SLC19A1: variants seen among roughly 807,000 people sequenced by gnomAD.
SLC19A1 encodes solute carrier family 19 member 1, also known as reduced folate transporter.
A neutral mutation model predicts 35.3 loss-of-function variants in SLC19A1; 37 were observed. That is an observed-to-expected ratio of 1.05 (90% confidence interval 0.81 to 1.38). The LOEUF is 1.38. Ranked by LOEUF, SLC19A1 falls within the 40% of genes most tolerant of loss-of-function variation. The pLI, the probability that SLC19A1 is intolerant of heterozygous loss-of-function variation, is 0.00. For missense variants in SLC19A1, 831 were observed against 826.9 expected, an observed-to-expected ratio of 1.00 and a Z score of -0.06; for synonymous variants, 460 against 398.5, an observed-to-expected ratio of 1.15 and a Z score of -1.84.
Position 45,531,386 on chromosome 21 carries a change from T to G in SLC19A1, c.949+3A>C. ...GAAGCCTCGGGGACCAGGGCATGCG[T>G]ACCCAGCAGCGTGGAGGCAGCATCT... On this transcript the variant is annotated splice_donor_region_variant and intron_variant, in intron 3 of 5. Transcript: ENST00000311124. The G allele has an allele frequency of 6.4e-7, 1 of 1,571,782 alleles. No homozygotes were observed. The highest frequency in any genetic ancestry group is 8.6e-7 in the Non-Finnish European group (1 of 1,157,288).
rs1380155473 is a variant in SLC19A1 at position 45,507,271 on chromosome 21, G to C, written c.498-8659C>G. 85 of 512,862 alleles carry C rather than the reference G, an allele frequency of 1.7e-4. 2 individuals carry two copies. In the East Asian group the frequency reaches 2.7e-3, roughly 16 times the overall value. The allele number at this position is 512,862 out of a possible 1,614,324, so 31.8% of individuals were successfully genotyped here. A position where few individuals can be genotyped will look rare whatever the true frequency, so the allele number is the denominator to read the frequency against. ...GGGTGCTGGGCAGGGAGGGCAACCT[G>C]CTGTGGACTGGGAGGGCCGGGTGCT... is the stretch of plus-strand genomic sequence containing the variant. On this transcript the variant is annotated intron_variant, in intron 3 of 4. Transcript: ENST00000417954.
chr21:45,552,769 C>T (rs1449688947), intron 1 of SLC19A1, among the ~76,000 whole-genome samples: 3 of 152,116 alleles, frequency 2.0e-5, no homozygotes, highest in Non-Finnish European at 4.4e-5. Context: ...TCATTCCTGG[C>T]CCATGAGTCT....
intron 1 of SLC19A1, among the ~76,000 whole-genome samples, chr21:45,549,977 C>G (rs552647304): frequency 3.7e-4 from 56 of 152,080 alleles, no homozygotes; most frequent in Non-Finnish European, 6.6e-4. Flanking sequence ...CAGGGCAGCC[C>G]TCCCAGGCTG....
chr21:45,562,773 C>T lies in SLC19A1; in HGVS notation c.-81G>A, dbSNP rs546355006. On this transcript the variant is annotated 5_prime_UTR_variant, in exon 1 of 6. Coordinates refer to the SLC19A1 transcript ENST00000650808. ...TTCCAACAATCCGCAGAAGATCCTCCTCCGGTATCTAGGTGTGAATGGATC... is the reference window on the plus strand; with the variant it reads ...TTCCAACAATCCGCAGAAGATCCTCTTCCGGTATCTAGGTGTGAATGGATC... Among the ~76,000 whole-genome samples the T allele has an allele frequency of 2.0e-5, 3 of 152,328 alleles. No individual in the cohort carries two copies. In the South Asian group the frequency reaches 6.2e-4, roughly 32 times the overall value.
intron 1 of SLC19A1, among the ~76,000 whole-genome samples, chr21:45,559,468 G>A (rs115100975): frequency 4.0e-4 from 61 of 152,338 alleles, no homozygotes; most frequent in African/African-American, 1.4e-3. Flanking sequence ...CCACGGGAAG[G>A]CCAGGTCTTC....
rs1279091925 is a variant in SLC19A1 at position 45,530,734 on chromosome 21, T to C, written c.1151+36A>G. The C allele has an allele frequency of 6.5e-7, 1 of 1,542,110 alleles. No homozygotes were observed. The highest frequency in any genetic ancestry group is 2.5e-5 in the East Asian group (1 of 40,488). ...AAGCGCGGGGCTTGATCCTGGCGCC[T>C]GCCCGCCCCCGGCTTCCCACCCTTC... On this transcript the variant is annotated intron_variant, in intron 4 of 5. Transcript: ENST00000311124. This position sits in a 1 kb window ranked among gnomAD's most constrained non-coding sequence, Gnocchi z 5.3.
downstream of SLC19A1, chr21:45,509,648 T>G: frequency 1.0e-6 from 1 of 1,004,106 alleles, no homozygotes; most frequent in Non-Finnish European, 1.5e-6. Flanking sequence ...GCCCCTCGGC[T>G]CTCGGCAGCA....
At position 45,515,193 on chromosome 21, in the gene SLC19A1, C is replaced by G; in HGVS notation, c.*465G>C. 6.6e-7 allele frequency: 1 copy of G among 1,522,200 alleles called. No individual in the cohort carries two copies. Among genetic ancestry groups the G allele is most frequent in the Non-Finnish European group, 8.8e-7 (1 of 1,140,848 alleles). The allele number at this position is 1,522,200 out of a possible 1,614,324, so 94.3% of individuals were successfully genotyped here. Reference sequence around the variant, plus strand: ...AAAAAAAAAGCATCTTTCAAAAAAGCAAGAGCACCAAGGATGACCAGCAAT... The same window carrying G: ...AAAAAAAAAGCATCTTTCAAAAAAGGAAGAGCACCAAGGATGACCAGCAAT... On this transcript the variant is annotated 3_prime_UTR_variant, in exon 6 of 6. Coordinates refer to ENST00000311124, the MANE Select transcript of SLC19A1 (RefSeq NM_194255.4).
At chr21:45,539,833 C>T (rs1421810322) in intron 1 of SLC19A1, among the ~76,000 whole-genome samples, 11 of 152,132 alleles carry the variant, frequency 7.2e-5, no homozygotes, top group Non-Finnish European at 7.4e-5. Flanking sequence ...GCAATGGGGG[C>T]CGCAGGGAAG....
intron 5 of SLC19A1, among the ~76,000 whole-genome samples, chr21:45,519,562 C>A (rs2077375237): frequency 1.7e-5 from 1 of 57,186 alleles, no homozygotes; most frequent in East Asian, 5.2e-4. Flanking sequence ...GTAAAATAAA[C>A]TTCTGAGCAA....
In SLC19A1 at chr21:45,512,700, C is replaced by A. The variant is rs17255281; in HGVS notation, c.*2958G>T. 7.9e-3 allele frequency: 3,692 copies of A among 469,388 alleles called. 17 individuals carry two copies. Among genetic ancestry groups the A allele is most frequent in the Middle Eastern group, 0.018 (29 of 1,628 alleles). 29.1% of individuals were successfully genotyped at this position (469,388 alleles called of 1,614,324 possible). ...TGTGCAACCTCTTGGCCTGATCAGA[C>A]CACGGCTCGATTTCTCCAGGATTTC... On this transcript the variant is annotated 3_prime_UTR_variant, in exon 6 of 6. Coordinates refer to ENST00000311124, the MANE Select transcript of SLC19A1 (RefSeq NM_194255.4).
rs1224321587 is a variant in SLC19A1, at chr21:45,530,415, G to T, written c.1151+355C>A. 6.6e-6 allele frequency among the ~76,000 whole-genome samples: 1 copy of T among 152,118 alleles called. No homozygotes were observed. Among genetic ancestry groups the T allele is most frequent in the African/African-American group, 2.4e-5 (1 of 41,396 alleles). On this transcript the variant is annotated intron_variant, in intron 4 of 5. Coordinates refer to ENST00000311124, the MANE Select transcript of SLC19A1 (RefSeq NM_194255.4). This position sits in a 1 kb window ranked among gnomAD's most constrained non-coding sequence, Gnocchi z 5.3. ...GGTGTGTGTGTGGTGTGAGTGCCTG[G>T]TGTGAGTGTAAGCTGAGGATGAACT...
chr21:45,503,965 T>C, intron 3 of SLC19A1: 1 of 1,612,040 alleles, frequency 6.2e-7, no homozygotes, highest in Non-Finnish European at 8.5e-7. Flanking sequence ...AACCCGGCGC[T>C]GTCAGACACC....
intron 1 of SLC19A1, among the ~76,000 whole-genome samples, chr21:45,555,538 G>A (rs2078551610): frequency 6.7e-6 from 1 of 148,954 alleles, no homozygotes; most frequent in Non-Finnish European, 1.5e-5. Flanking sequence ...GCAGGGGGCG[G>A]CGGCGGGGGC....
chr21:45,530,716 G>A lies in SLC19A1; in HGVS notation c.1151+54C>T. 6.6e-7 allele frequency: 1 copy of A among 1,523,556 alleles called. No homozygotes were observed. Among genetic ancestry groups the A allele is most frequent in the South Asian group, 1.2e-5 (1 of 83,190 alleles). The allele number at this position is 1,523,556 out of a possible 1,614,324, so 94.4% of individuals were successfully genotyped here. A position where few individuals can be genotyped will look rare whatever the true frequency, so the allele number is the denominator to read the frequency against. On this transcript the variant is annotated intron_variant, in intron 4 of 5. Transcript: ENST00000311124. The surrounding 1 kb of genome is among the most constrained non-coding windows in gnomAD (Gnocchi z 5.3). ...AGGTGGGAGCACCCAGCGAAGCGCG[G>A]GGCTTGATCCTGGCGCCTGCCCGCC...
In SLC19A1 at chr21:45,560,767, G is replaced by C. The variant is rs183593120; in HGVS notation, c.-50+1975C>G. Among the ~76,000 whole-genome samples the C allele has an allele frequency of 3.2e-3, 487 of 152,354 alleles. 3 individuals carry two copies. The highest frequency in any genetic ancestry group is 0.011 in the African/African-American group (462 of 41,572). The stretch of plus-strand genomic sequence containing the variant: ...AATGAGGAGGACGAACCCAATGCTG[G>C]GCTGAGGCCAAACAGACAAACAAGA... On this transcript the variant is annotated intron_variant, in intron 1 of 5. Transcript: ENST00000650808.
rs766096189 is a variant in SLC19A1, at chr21:45,530,813, C to G, written c.1108G>C (p.Val370Leu). The change falls in exon 4 of 6, where the codon GTG becomes CTG. Residue 370 changes from valine to leucine, a missense_variant. Transcript: ENST00000311124. This position sits in a 1 kb window ranked among gnomAD's most constrained non-coding sequence, Gnocchi z 5.3. ...SSIWLCYAAF[V>L]LFRGSYQFLV... is the part of the protein sequence containing the mutation. Reference sequence around the variant, plus strand: ...AACTGGTAGGAGCCGCGGAACAGCACGAAGGCCGCATAGCACAGCCAGATG... The same window carrying G: ...AACTGGTAGGAGCCGCGGAACAGCAGGAAGGCCGCATAGCACAGCCAGATG... 7 of 1,564,262 alleles carry G rather than the reference C, an allele frequency of 4.5e-6. No homozygotes were observed. Among genetic ancestry groups the G allele is most frequent in the Non-Finnish European group, 6.1e-6 (7 of 1,155,552 alleles).
At chr21:45,503,340 CAT>C (rs1031831075) in intron 3 of SLC19A1, among the ~76,000 whole-genome samples, 3 of 151,942 alleles carry the variant, frequency 2.0e-5, no homozygotes, top group African/African-American at 4.8e-5. Context: ...AGCATTTTTT[CAT>C]GTGTTTTTTG....
Position 45,530,970 on chromosome 21 carries a change from G to T in SLC19A1, c.951C>A (p.Gly317=). The T allele has an allele frequency of 6.9e-7, 1 of 1,440,368 alleles. No homozygotes were observed. 89.2% of individuals were successfully genotyped at this position (1,440,368 alleles called of 1,614,324 possible). Residue 317 remains glycine, a splice_region_variant and synonymous_variant, in exon 4 of 6, where the codon GGC becomes GGA. Coordinates refer to ENST00000311124, the MANE Select transcript of SLC19A1 (RefSeq NM_194255.4). This position sits in a 1 kb window ranked among gnomAD's most constrained non-coding sequence, Gnocchi z 5.3. ...AGCCCGCGGCGAAGGACGTGATGGC[G>T]CCTGAGAGGGGAGGGATGGGGCGTT... is the stretch of plus-strand genomic sequence containing the variant. ...GAADAASTLL[G]AITSFAAGFV... is the part of the protein sequence containing the mutation.
Sources: gnomAD v4.1 joint callset for allele counts (sites outside exome capture counted in the v4.1 genomes callset) on GRCh38, gnomAD v4.1.1 for gene constraint, Gnocchi (gnomAD v3.1) non-coding constraint, MANE v1.5 for transcripts, NCBI Gene and HGNC (gene_info 2026-07-23, HGNC 2026-07-21) for gene names.